The following STIL variants were observed in gnomAD, a reference collection of about 807,000 sequenced individuals.
STIL encodes the protein SCL-interrupting locus protein.
Under a neutral mutation model 110.1 loss-of-function variants are expected in STIL, and 55 were observed. The ratio of observed to expected loss-of-function variants is 0.50; its 90% confidence interval spans 0.40 to 0.63. The LOEUF (loss-of-function observed/expected upper bound fraction) is 0.63, where lower values mean the gene tolerates loss of function less well. Among genes scored for constraint, STIL ranks in the 20% least tolerant of loss-of-function variants. The probability of loss-of-function intolerance (pLI) is 0.00; values close to 1 mark genes in which losing one functional copy is unlikely to be tolerated. For missense variants in STIL, 1,358 were observed against 1,530.0 expected, an observed-to-expected ratio of 0.89 and a Z score of 1.87; for synonymous variants, 481 against 530.0, an observed-to-expected ratio of 0.91 and a Z score of 1.27.
At position 47,272,099 on chromosome 1, in the gene STIL, C is replaced by G. The variant is rs766209965; in HGVS notation, c.2360G>C (p.Gly787Ala). Reference sequence around the variant, plus strand: ...ACCTGTGCTCACAGCAATGCTTACACCTTTTCTCATGTGCAAGCCAGGGGA... The same window carrying G: ...ACCTGTGCTCACAGCAATGCTTACAGCTTTTCTCATGTGCAAGCCAGGGGA... Reference protein sequence around the residue: ...QSSPGLHMRKGVSIAVSTGAS... With the variant: ...QSSPGLHMRKAVSIAVSTGAS... The change falls in exon 13 of 17, where the codon GGT (glycine) becomes GCT (alanine). Residue 787 changes from glycine to alanine, a missense_variant. By Grantham distance (60) the Gly-to-Ala change is moderately conservative. Transcript: ENST00000371877. 3.6e-5 allele frequency: 58 copies of G among 1,614,022 alleles called. No homozygotes were observed. The Admixed American group carries it at 9.5e-4, about 26-fold the overall frequency.
At chr1:47,259,386 G>C (rs1185560087) in intron 16 of STIL, among the ~76,000 whole-genome samples, 2 of 144,124 alleles carry the variant, frequency 1.4e-5, no homozygotes, top group Non-Finnish European at 3.0e-5. Context: ...GCCTCCCCGG[G>C]TTCAGGCAAT....
At chr1:47,296,081 T>C (rs1645634409) in intron 6 of STIL, among the ~76,000 whole-genome samples, 1 of 152,216 alleles carries the variant, frequency 6.6e-6, no homozygotes, top group South Asian at 2.1e-4. Flanking sequence ...TTAAAAGACA[T>C]TGAAGATTAT....
chr1:47,274,089 G>GCA (rs1644916082), intron 12 of STIL, among the ~76,000 whole-genome samples: 1 of 59,672 alleles, frequency 1.7e-5, no homozygotes, highest in South Asian at 4.9e-4. Flanking sequence ...TACTAAGTAA[G>GCA]CACTTTACAC....
intron 2 of STIL, among the ~76,000 whole-genome samples, chr1:47,308,365 C>T (rs1034118544): frequency 2.7e-5 from 4 of 149,698 alleles, no homozygotes; most frequent in South Asian, 2.1e-4. Context: ...ACGTGATTAT[C>T]GGGGCAGGTC....
rs1570162577 is a variant in STIL at position 47,282,220 on chromosome 1, A to T, written c.1248+125T>A. The T allele has an allele frequency of 3.2e-5, 22 of 686,256 alleles. No individual in the cohort carries two copies. In the East Asian group the frequency reaches 5.6e-4, roughly 18 times the overall value. 42.5% of individuals were successfully genotyped at this position (686,256 alleles called of 1,614,324 possible). Reference sequence around the variant, plus strand: ...TCTATATATAGATATAACCATAGAGATAGAAATAGCTAGATATATCTAAGA... The same window carrying T: ...TCTATATATAGATATAACCATAGAGTTAGAAATAGCTAGATATATCTAAGA... On this transcript the variant is annotated intron_variant, in intron 11 of 16. Transcript: ENST00000371877.
intron 10 of STIL, chr1:47,282,758 G>A (rs1241274933): frequency 3.1e-6 from 1 of 324,448 alleles, no homozygotes; most frequent in Non-Finnish European, 5.9e-6. Flanking sequence ...GATAAATATA[G>A]AAACAAGTAA....
chr1:47,300,000 T>C lies in STIL; in HGVS notation c.606A>G (p.Thr202=). ...AVTLANNFKC[T]PVKPIPIIPT... The stretch of plus-strand genomic sequence containing the variant: ...GAATAATGGGGATGGGCTTCACAGG[T>C]GTGCATTTAAAGTTATTTGCTAGAG... The change falls in exon 6 of 17, where the codon ACA becomes ACG. Residue 202 remains threonine, a synonymous_variant. Coordinates refer to ENST00000371877, the MANE Select transcript of STIL (RefSeq NM_001048166.1). The C allele has an allele frequency of 1.2e-6, 2 of 1,614,152 alleles. No homozygotes were observed. Among genetic ancestry groups the C allele is most frequent in the South Asian group, 2.2e-5 (2 of 91,090 alleles).
intron 16 of STIL, 123 bp from the exon 17 acceptor site, chr1:47,252,045 T>C: frequency 2.0e-6 from 2 of 985,014 alleles, no homozygotes; most frequent in South Asian, 1.7e-5. Context: ...TCCTTTTATC[T>C]AACTACTCAG....
In STIL at chr1:47,299,918, T is replaced by C. The variant is rs767452662; in HGVS notation, c.688A>G (p.Thr230Ala). The C allele has an allele frequency of 6.8e-6, 11 of 1,613,772 alleles. No individual in the cohort carries two copies. In the East Asian group the frequency reaches 1.8e-4, roughly 26 times the overall value. ...TCTTTTACTTACCCATATTTATAAG[T>C]CCCTTGAACTTGAGAAATATTCAGA... is the stretch of plus-strand genomic sequence containing the variant. ...SNLNISQVQG[T>A]YKYGYLTMDE... The change falls in exon 6 of 17, where the codon ACT (threonine) becomes GCT (alanine). Residue 230 changes from threonine to alanine, a missense_variant. Transcript: ENST00000371877.
chr1:47,252,541 A>C (rs1230041067), intron 16 of STIL, among the ~76,000 whole-genome samples: 2 of 152,192 alleles, frequency 1.3e-5, no homozygotes, highest in Non-Finnish European at 2.9e-5. Context: ...CCAAATGTAA[A>C]AGTCATCAAC....
intron 16 of STIL, among the ~76,000 whole-genome samples, chr1:47,255,890 T>C (rs1324607349): frequency 6.6e-6 from 1 of 152,186 alleles, no homozygotes; most frequent in Non-Finnish European, 1.5e-5. Context: ...AGGTCTTCCT[T>C]CCCCTGCCTT....
At chr1:47,289,053 T>G (rs1645393492) in intron 9 of STIL, among the ~76,000 whole-genome samples, 1 of 99,758 alleles carries the variant, frequency 1.0e-5, no homozygotes, top group South Asian at 3.7e-4. Flanking sequence ...CTGAGTGAGA[T>G]TCCATCTCAA....
At chr1:47,270,978 C>A (rs1485917810) in intron 13 of STIL, among the ~76,000 whole-genome samples, 1 of 152,112 alleles carries the variant, frequency 6.6e-6, no homozygotes, top group Non-Finnish European at 1.5e-5. Flanking sequence ...TGCGCCCAGC[C>A]AATTTCTCAA....
chr1:47,259,796 T>C (rs1317734456), intron 16 of STIL, among the ~76,000 whole-genome samples: 1 of 152,246 alleles, frequency 6.6e-6, no homozygotes, highest in Non-Finnish European at 1.5e-5. Flanking sequence ...AGTTATGTGC[T>C]GAGGTCATCT....
intron 2 of STIL, among the ~76,000 whole-genome samples, chr1:47,308,126 A>G (rs1646018568): frequency 6.6e-6 from 1 of 152,024 alleles, no homozygotes; most frequent in Admixed American, 6.6e-5. Context: ...GTGATATTCT[A>G]TTACCCTGTT....
chr1:47,272,711 G>C (rs1178652880), intron 12 of STIL, among the ~76,000 whole-genome samples: 2 of 152,064 alleles, frequency 1.3e-5, no homozygotes, highest in Admixed American at 6.6e-5. Flanking sequence ...CAGCCTTTAA[G>C]TATACATTTA....
intron 10 of STIL, chr1:47,284,184 C>G (rs1645228629): frequency 6.6e-6 from 1 of 152,220 alleles, no homozygotes; most frequent in Admixed American, 6.5e-5. Context: ...AAGTGTGAGC[C>G]ACTGTGCCTG....
chr1:47,270,251 T>TACACACACACACACACACAC (rs1223004051), intron 13 of STIL, among the ~76,000 whole-genome samples: 1 of 119,194 alleles, frequency 8.4e-6, no homozygotes, highest in Non-Finnish European at 1.6e-5. Context: ...AATATATATA[T>TACACACACACACACACACAC]ATATACACAC....
chr1:47,281,329 T>A (rs1645154667), intron 11 of STIL, 120 bp from the exon 12 acceptor site: 3 of 1,056,880 alleles, frequency 2.8e-6, no homozygotes, highest in Non-Finnish European at 4.0e-6. Flanking sequence ...GTGTTCATTC[T>A]TTATTTAGAC....
Sources: allele counts gnomAD v4.1 joint callset (sites outside exome capture counted in the v4.1 genomes callset), GRCh38; gene constraint gnomAD v4.1.1; transcripts MANE v1.5; gene names NCBI Gene and HGNC (gene_info 2026-07-23, HGNC 2026-07-21).